Variants in ZNF736 observed in about 807,000 individuals in gnomAD.
ZNF736 encodes KRAB-containing zinc-finger repressor protein.
ZNF736 carries 6 observed loss-of-function variants against 11.7 expected under a neutral mutation model. That is an observed-to-expected ratio of 0.51 (90% CI 0.28 to 1.01). ZNF736 has a LOEUF of 1.01. ZNF736 is among the 50% of genes least tolerant of loss of function. The pLI, the probability that ZNF736 is intolerant of heterozygous loss-of-function variation, is 0.09. For synonymous variants in ZNF736, 139 were observed against 164.7 expected, an observed-to-expected ratio of 0.84 and a Z score of 1.19; for missense variants, 444 against 496.0, an observed-to-expected ratio of 0.90 and a Z score of 1.00.
chr7:64,354,728 A>AT lies in ZNF736; in HGVS notation c.*5584dup, dbSNP rs1174532596. ...TTTCACAGTGCGTGTATTGTATGTTATTTAGTGTATTTTATATTTTGTTTC... is the reference window on the plus strand; with the variant it reads ...TTTCACAGTGCGTGTATTGTATGTTATTTTAGTGTATTTTATATTTTGTTTC... On this transcript the variant is annotated 3_prime_UTR_variant, in exon 4 of 4. Transcript: ENST00000423484. 1 of 152,134 alleles carries AT rather than the reference A, an allele frequency of 6.6e-6. No homozygotes were observed. Among genetic ancestry groups the AT allele is most frequent in the Non-Finnish European group, 1.5e-5 (1 of 67,994 alleles). The allele number at this position is 152,134 out of a possible 1,614,324, so 9.4% of individuals were successfully genotyped here.
Position 64,314,053 on chromosome 7 carries a change from G to T in ZNF736, c.-98G>T, listed in dbSNP as rs748162744. 1.8e-5 allele frequency: 27 copies of T among 1,506,058 alleles called. No individual in the cohort carries two copies. The highest frequency in any genetic ancestry group is 2.4e-5 in the Non-Finnish European group (27 of 1,106,312). The allele number at this position is 1,506,058 out of a possible 1,614,324, so 93.3% of individuals were successfully genotyped here. The stretch of plus-strand genomic sequence containing the variant: ...CACTGTTCCATCTCCTCCGTTCCTG[G>T]AGTTCCTCGGTGACTCTACTATAGC... On this transcript the variant is annotated 5_prime_UTR_variant, in exon 1 of 4. An upstream open reading frame in the 5' UTR gains an earlier in-frame stop. Coordinates refer to ENST00000423484, the MANE Select transcript of ZNF736 (RefSeq NM_001170905.3).
At position 64,326,626 on chromosome 7, in the gene ZNF736, C is replaced by T. The variant is rs886782527; in HGVS notation, c.4-9633C>T. On this transcript the variant is annotated intron_variant, in intron 1 of 3. Transcript: ENST00000423484. ...GGGTTTGGTTTGCTCTTTTCTAGTT[C>T]TGTATGATATATCAATAGTTTATTT... Among the ~76,000 whole-genome samples, 16 of 150,188 alleles carry T rather than the reference C, an allele frequency of 1.1e-4. No individual in the cohort carries two copies. In the Admixed American group the frequency reaches 1.1e-3, roughly 10 times the overall value.
In ZNF736 at chr7:64,349,403, GCTT is replaced by G; in HGVS notation, c.*260_*262del. ...GTCAGAAACTAGGATTGCAACCCCT[GCTT>G]CTTTTCCTGTTTTCTATTTGCTTGG... On this transcript the variant is annotated 3_prime_UTR_variant, in exon 4 of 4. Transcript: ENST00000423484. 1.3e-5 allele frequency: 4 copies of G among 318,674 alleles called. No individual in the cohort carries two copies. Among genetic ancestry groups the G allele is most frequent in the Middle Eastern group, 9.0e-4 (1 of 1,112 alleles). The allele number at this position is 318,674 out of a possible 1,614,324, so 19.7% of individuals were successfully genotyped here. A position where few individuals can be genotyped will look rare whatever the true frequency, so the allele number is the denominator to read the frequency against.
At chr7:64,319,900 G>T (rs1788980826) in intron 1 of ZNF736, among the ~76,000 whole-genome samples, 1 of 151,946 alleles carries the variant, frequency 6.6e-6, no homozygotes, top group African/African-American at 2.4e-5. Context: ...TTTACTGGAG[G>T]CCTAGGGTAA....
chr7:64,344,994 G>A (rs1227411235), intron 3 of ZNF736, among the ~76,000 whole-genome samples: 3 of 148,314 alleles, frequency 2.0e-5, no homozygotes, highest in East Asian at 4.0e-4. Flanking sequence ...TTTCTTTTTG[G>A]AAAAGTAAAA....
intron 3 of ZNF736, chr7:64,337,380 T>C (rs921767530): frequency 1.2e-4 from 21 of 179,834 alleles, no homozygotes; most frequent in African/African-American, 5.0e-4. Context: ...TTTTGGATAA[T>C]GTCTAAATAT....
rs965216452 is a variant in ZNF736, at chr7:64,355,365, A to G, written c.*6218A>G. The G allele has an allele frequency of 6.6e-6, 1 of 152,246 alleles. No homozygotes were observed. The highest frequency in any genetic ancestry group is 2.4e-5 in the African/African-American group (1 of 41,180). The allele number at this position is 152,246 out of a possible 1,614,324, so 9.4% of individuals were successfully genotyped here. Reference sequence around the variant, plus strand: ...AGAACTATCAAGCCATTTCAAGTAGATTTAATTCTAGATCTTTTTTTTTTT... The same window carrying G: ...AGAACTATCAAGCCATTTCAAGTAGGTTTAATTCTAGATCTTTTTTTTTTT... On this transcript the variant is annotated 3_prime_UTR_variant, in exon 4 of 4. Transcript: ENST00000423484.
rs1402252448 is a variant in ZNF736, at chr7:64,353,825, A to C, written c.*4678A>C. ...AAGGAAATTGCCTTACCATTTGCAA[A>C]TTAAGGTAATTAAAATACAGTGAAT... On this transcript the variant is annotated 3_prime_UTR_variant, in exon 4 of 4. Transcript: ENST00000423484. The C allele has an allele frequency of 6.6e-6, 1 of 152,234 alleles. No individual in the cohort carries two copies. Among genetic ancestry groups the C allele is most frequent in the Non-Finnish European group, 1.5e-5 (1 of 68,038 alleles). The allele number at this position is 152,234 out of a possible 1,614,324, so 9.4% of individuals were successfully genotyped here.
At chr7:64,330,182 AG>A (rs1789142412) in intron 1 of ZNF736, among the ~76,000 whole-genome samples, 1 of 151,538 alleles carries the variant, frequency 6.6e-6, no homozygotes, top group East Asian at 2.0e-4. Context: ...TTTGAGACGG[AG>A]TCTCGCTCTG....
rs1463801178 is a variant in ZNF736 at position 64,348,353 on chromosome 7, A to G, written c.490A>G (p.Lys164Glu). The change falls in exon 4 of 4, where the codon AAA (lysine) becomes GAA (glutamate). Residue 164 changes from lysine to glutamate, a missense_variant. Transcript: ENST00000423484. ...GTTGTGCTCAATCTTCACTGAACAT[A>G]AAGACATTTTTAGCAGAGAGAAATG... ...FQLCSIFTEH[K>E]DIFSREKCHK... is the part of the protein sequence containing the mutation. 1.2e-5 allele frequency: 19 copies of G among 1,551,430 alleles called. No individual in the cohort carries two copies. Among genetic ancestry groups the G allele is most frequent in the South Asian group, 7.1e-5 (6 of 84,050 alleles).
At position 64,349,908 on chromosome 7, in the gene ZNF736, T is replaced by C. The variant is rs1423681333; in HGVS notation, c.*761T>C. The C allele has an allele frequency of 6.6e-6, 1 of 152,232 alleles. No individual in the cohort carries two copies. The highest frequency in any genetic ancestry group is 6.5e-5 in the Admixed American group (1 of 15,292). 9.4% of individuals were successfully genotyped at this position (152,232 alleles called of 1,614,324 possible). ...CTATAATCTCTTTTGACTTGTAGGA[T>C]TTCAGCTGAAAGATTTGTTGTTTTC... On this transcript the variant is annotated 3_prime_UTR_variant, in exon 4 of 4. Coordinates refer to ENST00000423484, the MANE Select transcript of ZNF736 (RefSeq NM_001170905.3).
In ZNF736 at chr7:64,344,858, T is replaced by C. The variant is rs1789386179; in HGVS notation, c.227-3232T>C. Among the ~76,000 whole-genome samples the C allele has an allele frequency of 3.3e-5, 5 of 152,100 alleles. No individual in the cohort carries two copies. The South Asian group carries it at 8.3e-4, about 25-fold the overall frequency. The stretch of plus-strand genomic sequence containing the variant: ...TTATACCAGTACCAAAGTGCTTTGA[T>C]TGATGTAGTTTTGTTTTGTGTTTGG... On this transcript the variant is annotated intron_variant, in intron 3 of 3. Coordinates refer to ENST00000423484, the MANE Select transcript of ZNF736 (RefSeq NM_001170905.3).
intron 1 of ZNF736, among the ~76,000 whole-genome samples, chr7:64,327,353 C>A (rs1299161336): frequency 6.6e-6 from 1 of 152,034 alleles, no homozygotes; most frequent in Admixed American, 6.6e-5. Context: ...TTTTTTGTTT[C>A]CATTTGCATG....
chr7:64,338,112 G>A (rs1789286025), intron 3 of ZNF736, among the ~76,000 whole-genome samples: 1 of 151,844 alleles, frequency 6.6e-6, no homozygotes, highest in Non-Finnish European at 1.5e-5. Flanking sequence ...ATCGTTTTGT[G>A]GTTTTATTTA....
At chr7:64,320,761 A>C (rs1788992230) in intron 1 of ZNF736, among the ~76,000 whole-genome samples, 1 of 152,204 alleles carries the variant, frequency 6.6e-6, no homozygotes, top group South Asian at 2.1e-4. Context: ...CTCTTATTAG[A>C]ATGTAGCCAG....
At chr7:64,341,845 G>A (rs551254371) in intron 3 of ZNF736, among the ~76,000 whole-genome samples, 2 of 152,184 alleles carry the variant, frequency 1.3e-5, no homozygotes, top group South Asian at 4.2e-4. Context: ...TGAAACGAGT[G>A]GAAAGAATAG....
intron 3 of ZNF736, among the ~76,000 whole-genome samples, chr7:64,344,400 AC>A (rs1720461765): frequency 6.6e-6 from 1 of 152,244 alleles, no homozygotes; most frequent in South Asian, 2.1e-4. Context: ...TATCTTTAGA[AC>A]TTTTATTTTT....
intron 3 of ZNF736, among the ~76,000 whole-genome samples, chr7:64,342,776 G>T (rs1239175961): frequency 6.6e-6 from 1 of 151,848 alleles, no homozygotes; most frequent in African/African-American, 2.4e-5. Flanking sequence ...TATAATCTTT[G>T]ATTTATGTTT....
At position 64,314,109 on chromosome 7, in the gene ZNF736, G is replaced by A. The variant is rs1197217055; in HGVS notation, c.-42G>A. The A allele has an allele frequency of 6.4e-7, 1 of 1,551,772 alleles. No homozygotes were observed. Among genetic ancestry groups the A allele is most frequent in the Non-Finnish European group, 8.7e-7 (1 of 1,147,094 alleles). On this transcript the variant is annotated 5_prime_UTR_variant, in exon 1 of 4. Transcript: ENST00000423484. Reference sequence around the variant, plus strand: ...TTATCCTGTGACCTGCAGGTACTGGGAGATCCATAGGGAGGACGGCGGAAC... The same window carrying A: ...TTATCCTGTGACCTGCAGGTACTGGAAGATCCATAGGGAGGACGGCGGAAC...
Sources: allele counts gnomAD v4.1 joint callset (sites outside exome capture counted in the v4.1 genomes callset), GRCh38; gene constraint gnomAD v4.1.1; transcripts MANE v1.5; gene names NCBI Gene and HGNC (gene_info 2026-07-23, HGNC 2026-07-21).